Variants in EPHA8 observed in about 807,000 individuals in gnomAD.
EPHA8 encodes the protein ephrin type-A receptor 8.
In EPHA8, 58 loss-of-function variants were observed where a neutral mutation model predicts 103.6. The observed-to-expected ratio is 0.56, with a 90% CI of 0.45 to 0.70. EPHA8 has a LOEUF of 0.70. EPHA8 is among the 30% of genes least tolerant of loss of function. EPHA8 has a pLI of 0.00. For missense variants in EPHA8, 1,304 were observed against 1,395.2 expected (o/e 0.93, Z 1.04); for synonymous variants, 559 against 572.5 (o/e 0.98, Z 0.34).
chr1:22,598,809 C>T lies in EPHA8; in HGVS notation c.2179-29C>T. ...CGGACCAGGCGCCTCGCCGGGCTTT[C>T]CTGAAGTCCAAGCCATGTCCCCCTG... On this transcript the variant is annotated intron_variant, in intron 12 of 16. Transcript: ENST00000166244. This position sits in a 1 kb window ranked among gnomAD's most constrained non-coding sequence, Gnocchi z 5.1. The T allele has an allele frequency of 1.2e-6, 2 of 1,604,080 alleles. No homozygotes were observed. The highest frequency in any genetic ancestry group is 1.7e-6 in the Non-Finnish European group (2 of 1,173,578).
At chr1:22,571,142 G>C (rs756807156) in intron 2 of EPHA8, among the ~76,000 whole-genome samples, 2 of 152,256 alleles carry the variant, frequency 1.3e-5, no homozygotes, top group Non-Finnish European at 1.5e-5. Context: ...AGCAGGTGGG[G>C]AGCATGGCTG....
At chr1:22,574,426 C>T (rs1640627775) in intron 2 of EPHA8, among the ~76,000 whole-genome samples, 1 of 152,222 alleles carries the variant, frequency 6.6e-6, no homozygotes, top group Admixed American at 6.5e-5. Flanking sequence ...GCCAGAACTC[C>T]GTTCATCCTG....
At chr1:22,600,199 AG>A (rs1415118585) in intron 13 of EPHA8, among the ~76,000 whole-genome samples, 3 of 112,248 alleles carry the variant, frequency 2.7e-5, no homozygotes, top group East Asian at 5.8e-4. Flanking sequence ...GAAGGAAAGG[AG>A]GGAGGGAGGA....
intron 5 of EPHA8, among the ~76,000 whole-genome samples, chr1:22,591,268 A>G (rs1310829123): frequency 2.6e-5 from 4 of 152,088 alleles, no homozygotes; most frequent in African/African-American, 9.7e-5. Flanking sequence ...TCTGTCACCC[A>G]TGCTGGAGTG....
chr1:22,570,332 ACATG>A (rs1366604695), intron 2 of EPHA8, among the ~76,000 whole-genome samples: 1 of 142,536 alleles, frequency 7.0e-6, no homozygotes, highest in Non-Finnish European at 1.5e-5. Context: ...GCACACACGC[ACATG>A]CACATGCGTG....
intron 3 of EPHA8, among the ~76,000 whole-genome samples, chr1:22,583,177 G>A (rs1329737686): frequency 3.3e-5 from 5 of 152,226 alleles, no homozygotes; most frequent in Admixed American, 6.5e-5. Context: ...TGCAGGCTCC[G>A]GAAGCACCCT....
chr1:22,579,403 CAT>C lies in EPHA8; in HGVS notation c.823+2524_823+2525del, dbSNP rs1455047170. Reference sequence around the variant, plus strand: ...TATGTGTGCACTGTGTGCATGTGTTCATGAGTGTATGTATGTGTGCATGTGTT... The same window carrying C: ...TATGTGTGCACTGTGTGCATGTGTTCGAGTGTATGTATGTGTGCATGTGTT... On this transcript the variant is annotated intron_variant, in intron 3 of 16. Transcript: ENST00000166244. 4.8e-5 allele frequency among the ~76,000 whole-genome samples: 7 copies of C among 147,160 alleles called. No individual in the cohort carries two copies. In the East Asian group the frequency reaches 1.4e-3, roughly 30 times the overall value.
At chr1:22,586,443 C>T in intron 3 of EPHA8, 37 bp from the exon 4 acceptor site, 1 of 1,604,768 alleles carries the variant, frequency 6.2e-7, no homozygotes, top group Non-Finnish European at 8.5e-7. Context: ...CCAGGGTGGC[C>T]CTGCTGGCTC....
chr1:22,584,544 G>A (rs187981331), intron 3 of EPHA8, among the ~76,000 whole-genome samples: 215 of 152,350 alleles, frequency 1.4e-3, no homozygotes, highest in African/African-American at 4.8e-3. Context: ...GTAATAAAGA[G>A]ATACGATCAA....
chr1:22,592,865 A>G (rs959709134), intron 5 of EPHA8, among the ~76,000 whole-genome samples: 5 of 152,032 alleles, frequency 3.3e-5, no homozygotes, highest in African/African-American at 1.2e-4. Context: ...GCGGGCAACC[A>G]AGTGTGACTG....
rs1349180265 is a variant in EPHA8, at chr1:22,597,663, T to G, written c.1931-13T>G. 1 of 1,594,720 alleles carries G rather than the reference T, an allele frequency of 6.3e-7. No homozygotes were observed. Among genetic ancestry groups the G allele is most frequent in the Non-Finnish European group, 8.5e-7 (1 of 1,169,632 alleles). On this transcript the variant is annotated splice_polypyrimidine_tract_variant and intron_variant, in intron 10 of 16. Transcript: ENST00000166244. This position sits in a 1 kb window ranked among gnomAD's most constrained non-coding sequence, Gnocchi z 4.6. ...TGCCCTCCCTCCACACCTGCCCCTC[T>G]CGGGGCCTGCAGGAGACTCCGGGGA...
intron 13 of EPHA8, among the ~76,000 whole-genome samples, chr1:22,600,247 CAGAA>C (rs1219910837): frequency 5.3e-5 from 6 of 112,632 alleles, no homozygotes; most frequent in Non-Finnish European, 1.0e-4. Flanking sequence ...GAAGGAAGGA[CAGAA>C]GGAGGAAGGA....
Position 22,583,166 on chromosome 1 carries a change from G to A in EPHA8, c.824-3314G>A, listed in dbSNP as rs552320505. The stretch of plus-strand genomic sequence containing the variant: ...GGCTCGCGGCCCAACACCCGGGCAC[G>A]TGCAGGCTCCGGAAGCACCCTGGGT... On this transcript the variant is annotated intron_variant, in intron 3 of 16. Coordinates refer to ENST00000166244, the MANE Select transcript of EPHA8 (RefSeq NM_020526.5). Among the ~76,000 whole-genome samples the A allele has an allele frequency of 6.6e-5, 10 of 152,328 alleles. No homozygotes were observed. The East Asian group carries it at 1.5e-3, about 24-fold the overall frequency.
In EPHA8 at chr1:22,595,274, C is replaced by T. The variant is rs1196903163; in HGVS notation, c.1648C>T (p.Leu550Phe). Residue 550 changes from leucine to phenylalanine, a missense_variant, in exon 8 of 17, where the codon CTC becomes TTC. Coordinates refer to ENST00000166244, the MANE Select transcript of EPHA8 (RefSeq NM_020526.5). The part of the protein sequence containing the change: ...TRTIVWICLT[L>F]ITGLVVLLLL... ...GACCATTGTCTGGATCTGCCTGACG[C>T]TCATCACGGGCCTGGTGGTGCTTCT... 6.2e-7 allele frequency: 1 copy of T among 1,613,882 alleles called. No individual in the cohort carries two copies. Among genetic ancestry groups the T allele is most frequent in the South Asian group, 1.1e-5 (1 of 91,046 alleles).
Position 22,567,321 on chromosome 1 carries a change from A to C in EPHA8, c.95-1968A>C, listed in dbSNP as rs3767563. ...ACTCGGCTTTGCTGGTCTGGGGGAA[A>C]CTGCAGTGCGGCCCCCTCCCCCTCC... On this transcript the variant is annotated intron_variant, in intron 1 of 16. Transcript: ENST00000166244. This position sits in a 1 kb window ranked among gnomAD's most constrained non-coding sequence, Gnocchi z 4.2. Among the ~76,000 whole-genome samples the C allele has an allele frequency of 3.3e-5, 5 of 152,040 alleles. No homozygotes were observed. Among genetic ancestry groups the C allele is most frequent in the African/African-American group, 1.2e-4 (5 of 41,384 alleles).
At chr1:22,600,543 TG>T in intron 13 of EPHA8, 117 bp from the exon 14 acceptor site, 1 of 1,357,120 alleles carries the variant, frequency 7.4e-7, no homozygotes, top group Non-Finnish European at 1.0e-6. Context: ...CGGTGGGGGC[TG>T]TGTTGTCCCT....
Position 22,595,270 on chromosome 1 carries a change from G to C in EPHA8, c.1644G>C (p.Leu548=). The C allele has an allele frequency of 6.2e-7, 1 of 1,613,876 alleles. No homozygotes were observed. Among genetic ancestry groups the C allele is most frequent in the East Asian group, 2.2e-5 (1 of 44,866 alleles). The change falls in exon 8 of 17, where the codon CTG becomes CTC. Residue 548 remains leucine, a synonymous_variant. Coordinates refer to ENST00000166244, the MANE Select transcript of EPHA8 (RefSeq NM_020526.5). ...YDTRTIVWIC[L]TLITGLVVLL... ...CCAGGACCATTGTCTGGATCTGCCT[G>C]ACGCTCATCACGGGCCTGGTGGTGC... is the stretch of plus-strand genomic sequence containing the variant.
intron 2 of EPHA8, among the ~76,000 whole-genome samples, chr1:22,573,558 C>G (rs950248165): frequency 4.6e-5 from 7 of 152,182 alleles, no homozygotes; most frequent in African/African-American, 1.7e-4. Context: ...GCCCCCCTCC[C>G]CCTTTAAGCA....
rs1641572389 is a variant in EPHA8 at position 22,598,036 on chromosome 1, C to T, written c.2117-115C>T. 2.8e-6 allele frequency: 4 copies of T among 1,421,380 alleles called. No individual in the cohort carries two copies. Among genetic ancestry groups the T allele is most frequent in the Non-Finnish European group, 2.0e-6 (2 of 1,017,874 alleles). The allele number at this position is 1,421,380 out of a possible 1,614,324, so 88.0% of individuals were successfully genotyped here. A position where few individuals can be genotyped will look rare whatever the true frequency, so the allele number is the denominator to read the frequency against. ...GGGACCCCAGTGGAAACCCAAGGCA[C>T]CCTGGGGTTTCCAGTGCTGGCACAG... On this transcript the variant is annotated intron_variant, in intron 11 of 16. Transcript: ENST00000166244. The surrounding 1 kb of genome is among the most constrained non-coding windows in gnomAD (Gnocchi z 5.1).
Sources: gnomAD v4.1 joint callset for allele counts (sites outside exome capture counted in the v4.1 genomes callset) on GRCh38, gnomAD v4.1.1 for gene constraint, Gnocchi (gnomAD v3.1) non-coding constraint, MANE v1.5 for transcripts, NCBI Gene and HGNC (gene_info 2026-07-23, HGNC 2026-07-21) for gene names.